Variants in STAG1 observed in about 807,000 individuals in gnomAD.
STAG1 encodes STAG1 cohesin complex component.
Under a neutral mutation model 170.9 loss-of-function variants are expected in STAG1, and 26 were observed. The ratio of observed to expected loss-of-function variants is 0.15; its 90% CI spans 0.11 to 0.21. The LOEUF (loss-of-function observed/expected upper bound fraction) is 0.21, where lower values mean the gene tolerates loss of function less well. Ranked by LOEUF, STAG1 falls within the 10% of genes least tolerant of loss-of-function variation. The pLI is 1.00. For synonymous variants in STAG1, 514 were observed against 497.7 expected, an observed-to-expected ratio of 1.03 and a Z score of -0.44; for missense variants, 964 against 1,509.5, an observed-to-expected ratio of 0.64 and a Z score of 5.99.
At chr3:136,745,969 A>G (rs1351993233) in intron 1 of STAG1, among the ~76,000 whole-genome samples, 1 of 152,034 alleles carries the variant, frequency 6.6e-6, no homozygotes, top group Non-Finnish European at 1.5e-5. Flanking sequence ...AAAGGAGGAG[A>G]AAAATCTGAG....
rs1321681950 is a variant in STAG1, at chr3:136,370,413, GGTTT to G, written c.2371-1135_2371-1132del. Among the ~76,000 whole-genome samples the G allele has an allele frequency of 2.0e-5, 3 of 152,070 alleles. No homozygotes were observed. The East Asian group carries it at 5.8e-4, about 29-fold the overall frequency. On this transcript the variant is annotated intron_variant, in intron 23 of 33. Transcript: ENST00000383202. ...TTAGGGTACATGTGCACAACGTGCA[GGTTT>G]GTTACATAGGTATACATGTGCCATG...
intron 1 of STAG1, among the ~76,000 whole-genome samples, chr3:136,746,856 G>A (rs961705134): frequency 3.3e-5 from 5 of 152,050 alleles, no homozygotes; most frequent in Non-Finnish European, 5.9e-5. Flanking sequence ...CAGCACTTTC[G>A]GAGGCCGAGG....
At chr3:136,472,280 C>A in intron 12 of STAG1, 133 bp downstream of exon 12, 1 of 495,720 alleles carries the variant, frequency 2.0e-6, no homozygotes, top group Non-Finnish European at 3.5e-6. Flanking sequence ...TTAAATCTAA[C>A]GTTAAAATGT....
At chr3:136,495,102 A>G (rs1450329475) in intron 9 of STAG1, among the ~76,000 whole-genome samples, 2 of 152,210 alleles carry the variant, frequency 1.3e-5, no homozygotes, top group African/African-American at 4.8e-5. Context: ...AGGTGGTATC[A>G]GTGTAAGGAT....
At chr3:136,601,287 A>G (rs1322340508) in intron 4 of STAG1, among the ~76,000 whole-genome samples, 1 of 152,262 alleles carries the variant, frequency 6.6e-6, no homozygotes, top group African/African-American at 2.4e-5. Context: ...GTAAATTCAT[A>G]GAAAAAAATG....
At chr3:136,523,717 T>C (rs551810219) in intron 6 of STAG1, among the ~76,000 whole-genome samples, 6 of 152,352 alleles carry the variant, frequency 3.9e-5, no homozygotes, top group South Asian at 2.1e-4. Flanking sequence ...CTAGAGTTTT[T>C]ATGGTTTTAG....
At chr3:136,714,787 T>C (rs1943474946) in intron 1 of STAG1, among the ~76,000 whole-genome samples, 1 of 149,570 alleles carries the variant, frequency 6.7e-6, no homozygotes, top group Admixed American at 6.7e-5. Flanking sequence ...CACATGCCTA[T>C]ATTCTCAGCT....
chr3:136,474,774 G>A (rs535500995), intron 10 of STAG1, among the ~76,000 whole-genome samples: 1 of 152,310 alleles, frequency 6.6e-6, no homozygotes, highest in South Asian at 2.1e-4. Context: ...CCCCTTTACT[G>A]GGCTAATTCT....
At chr3:136,507,553 G>A (rs1933830045) in intron 7 of STAG1, among the ~76,000 whole-genome samples, 1 of 151,900 alleles carries the variant, frequency 6.6e-6, no homozygotes, top group Admixed American at 6.6e-5. Context: ...TTTTTGTAGA[G>A]ATGGGGGTCC....
intron 1 of STAG1, chr3:136,737,006 T>C: frequency 1.3e-6 from 2 of 1,588,070 alleles, no homozygotes; most frequent in South Asian, 2.2e-5. Context: ...TGCACCAAGA[T>C]GGATAACTGC....
intron 7 of STAG1, among the ~76,000 whole-genome samples, chr3:136,520,092 A>G (rs1934596460): frequency 6.6e-6 from 1 of 152,138 alleles, no homozygotes; most frequent in South Asian, 2.1e-4. Context: ...GAATGTAAAA[A>G]CATATACACA....
At chr3:136,539,306 G>A (rs1935783275) in intron 6 of STAG1, among the ~76,000 whole-genome samples, 1 of 151,916 alleles carries the variant, frequency 6.6e-6, no homozygotes, top group Admixed American at 6.6e-5. Flanking sequence ...TTAATCCTTT[G>A]ATTAAATAAA....
chr3:136,463,790 CAT>C (rs372374909), intron 13 of STAG1, among the ~76,000 whole-genome samples: 84 of 135,760 alleles, frequency 6.2e-4, no homozygotes, highest in Middle Eastern at 3.8e-3. Flanking sequence ...CACACACACA[CAT>C]ATACATATAC....
chr3:136,383,552 T>C (rs958427756), intron 22 of STAG1, among the ~76,000 whole-genome samples: 1 of 152,204 alleles, frequency 6.6e-6, no homozygotes. Context: ...AAGTTAACAT[T>C]TATCCACACT....
intron 23 of STAG1, among the ~76,000 whole-genome samples, chr3:136,375,996 A>T (rs1215776783): frequency 4.1e-5 from 3 of 73,628 alleles, no homozygotes; most frequent in South Asian, 1.1e-3. Context: ...AAATAAATAA[A>T]TAAATAAATA....
chr3:136,518,041 T>C (rs776832363), intron 7 of STAG1: 28 of 198,404 alleles, frequency 1.4e-4, no homozygotes, highest in Non-Finnish European at 2.7e-4. Flanking sequence ...TAAAGAACTA[T>C]ATAATGATAA....
intron 3 of STAG1, among the ~76,000 whole-genome samples, chr3:136,614,035 T>C (rs1016718359): frequency 1.3e-5 from 2 of 151,868 alleles, no homozygotes; most frequent in African/African-American, 4.8e-5. Flanking sequence ...GCCAGCATGG[T>C]GAAACCCCGT....
chr3:136,616,198 G>A (rs1287601103), intron 3 of STAG1, among the ~76,000 whole-genome samples: 1 of 151,814 alleles, frequency 6.6e-6, no homozygotes, highest in East Asian at 1.9e-4. Context: ...GAACCTGGGA[G>A]GCGGAACTTG....
At chr3:136,733,278 G>A (rs1934147484) in intron 1 of STAG1, among the ~76,000 whole-genome samples, 1 of 151,682 alleles carries the variant, frequency 6.6e-6, no homozygotes, top group Non-Finnish European at 1.5e-5. Flanking sequence ...TAGAGACAGG[G>A]TTTCGCTATG....
Sources: gnomAD v4.1 joint callset for allele counts (sites outside exome capture counted in the v4.1 genomes callset) on GRCh38, gnomAD v4.1.1 for gene constraint, MANE v1.5 for transcripts, NCBI Gene and HGNC (gene_info 2026-07-23, HGNC 2026-07-21) for gene names.